LHFPL3: variants seen among roughly 807,000 people sequenced by gnomAD.
The protein encoded by LHFPL3 is LHFPL tetraspan subfamily member 3, also known as LHFPL tetraspan subfamily member 3 protein.
Under a neutral mutation model 19.3 loss-of-function variants are expected in LHFPL3, and 5 were observed. That is an observed-to-expected ratio of 0.26 (90% CI 0.14 to 0.54). LHFPL3 has a LOEUF of 0.54. LHFPL3 is among the 20% of genes least tolerant of loss of function. The probability of loss-of-function intolerance (pLI) is 0.94; values close to 1 mark genes in which losing one functional copy is unlikely to be tolerated. For missense variants in LHFPL3, 249 were observed against 307.4 expected, an observed-to-expected ratio of 0.81 and a Z score of 1.42; for synonymous variants, 133 against 126.2, an observed-to-expected ratio of 1.05 and a Z score of -0.36.
chr7:104,430,431 T>TGTATATATATATAC (rs1791965106), intron 1 of LHFPL3, among the ~76,000 whole-genome samples: 1 of 12,420 alleles, frequency 8.1e-5, no homozygotes, highest in Non-Finnish European at 1.7e-4. Context: ...TATATATATA[T>TGTATATATATATAC]ATATATATAT....
intron 1 of LHFPL3, among the ~76,000 whole-genome samples, chr7:104,393,069 GGT>G (rs1791110271): frequency 6.6e-6 from 1 of 152,112 alleles, no homozygotes; most frequent in South Asian, 2.1e-4. Context: ...ATGGCAAGAT[GGT>G]CAGCATCATT....
intron 1 of LHFPL3, among the ~76,000 whole-genome samples, chr7:104,564,065 C>T (rs995343994): frequency 6.6e-6 from 1 of 152,174 alleles, no homozygotes; most frequent in Non-Finnish European, 1.5e-5. Context: ...ATTTGATCCT[C>T]TCAACAATCC....
At chr7:104,845,609 C>T in intron 2 of LHFPL3, 2 of 310,788 alleles carry the variant, frequency 6.4e-6, no homozygotes, top group Non-Finnish European at 4.7e-6. Context: ...TATATTTTTA[C>T]TTCTCTCTCC....
intron 1 of LHFPL3, among the ~76,000 whole-genome samples, chr7:104,666,036 A>T (rs891156500): frequency 4.6e-5 from 7 of 152,218 alleles, no homozygotes; most frequent in Admixed American, 3.3e-4. Flanking sequence ...ATGATTTTTT[A>T]AATATTTATT....
intron 2 of LHFPL3, among the ~76,000 whole-genome samples, chr7:104,753,907 C>T (rs776990859): frequency 6.6e-6 from 1 of 152,210 alleles, no homozygotes; most frequent in Non-Finnish European, 1.5e-5. Flanking sequence ...TTTGCCTTCA[C>T]GTGCTGCCAG....
intron 1 of LHFPL3, among the ~76,000 whole-genome samples, chr7:104,429,831 G>A (rs756872850): frequency 9.2e-5 from 14 of 152,038 alleles, no homozygotes; most frequent in Non-Finnish European, 1.2e-4. Flanking sequence ...GAATAATGCA[G>A]GTAGACTTTG....
At chr7:104,789,196 A>G (rs1789975749) in intron 2 of LHFPL3, among the ~76,000 whole-genome samples, 1 of 152,210 alleles carries the variant, frequency 6.6e-6, no homozygotes, top group Non-Finnish European at 1.5e-5. Flanking sequence ...ATAAATGGGA[A>G]GGAAGACCAA....
At chr7:104,875,017 AT>A (rs34860948) in intron 2 of LHFPL3, among the ~76,000 whole-genome samples, 72 of 141,870 alleles carry the variant, frequency 5.1e-4, no homozygotes, top group Middle Eastern at 3.9e-3. Context: ...TGGGGAATGT[AT>A]TTTTTTTTTT....
rs1858779 is a variant in LHFPL3 at position 104,459,076 on chromosome 7, C to T, written c.445+129852C>T. On this transcript the variant is annotated intron_variant, in intron 1 of 2. Coordinates refer to ENST00000424859, the MANE Select transcript of LHFPL3 (RefSeq NM_199000.3). ...GCATAGCACCAGGACCTCTGGGTAGCGCTTCTGCTCTGGCAGCTCAAGGTG... is the reference window on the plus strand; with the variant it reads ...GCATAGCACCAGGACCTCTGGGTAGTGCTTCTGCTCTGGCAGCTCAAGGTG... 4.2e-3 allele frequency among the ~76,000 whole-genome samples: 641 copies of T among 152,328 alleles called. 1 individual carries two copies. Among genetic ancestry groups the T allele is most frequent in the Non-Finnish European group, 6.7e-3 (456 of 68,032 alleles).
chr7:104,329,366 CG>C (rs1562865759), intron 1 of LHFPL3, 142 bp downstream of exon 1: 1 of 1,131,524 alleles, frequency 8.8e-7, no homozygotes, highest in Admixed American at 3.2e-5. Flanking sequence ...GTGTGGGGGG[CG>C]GGAGCCCAGC....
intron 1 of LHFPL3, among the ~76,000 whole-genome samples, chr7:104,497,309 G>GAAAAAAAAAAA (rs34908934): frequency 1.0e-5 from 1 of 96,688 alleles, no homozygotes; most frequent in Non-Finnish European, 2.3e-5. Flanking sequence ...TTGAGAAAAG[G>GAAAAAAAAAAA]AAAAAAAAAA....
intron 2 of LHFPL3, among the ~76,000 whole-genome samples, chr7:104,791,115 G>A (rs1790014829): frequency 6.6e-6 from 1 of 152,058 alleles, no homozygotes. Context: ...GGTATAATTG[G>A]AACTGTTTTT....
chr7:104,733,987 G>A (rs555791500), intron 1 of LHFPL3, among the ~76,000 whole-genome samples: 4 of 152,254 alleles, frequency 2.6e-5, no homozygotes, highest in South Asian at 4.1e-4. Flanking sequence ...ATGAAGCTTA[G>A]TTTGGCTGGA....
chr7:104,516,285 A>G (rs1157695466), intron 1 of LHFPL3, among the ~76,000 whole-genome samples: 1 of 152,092 alleles, frequency 6.6e-6, no homozygotes, highest in Non-Finnish European at 1.5e-5. Context: ...CAGGAATAGC[A>G]TGGAGGAAAC....
chr7:104,525,612 T>G (rs1209485596), intron 1 of LHFPL3, among the ~76,000 whole-genome samples: 5 of 147,150 alleles, frequency 3.4e-5, no homozygotes, highest in Non-Finnish European at 6.0e-5. Flanking sequence ...TTGGGTTTTT[T>G]TTTTTTTTTT....
chr7:104,865,143 C>G (rs1301924956), intron 2 of LHFPL3, among the ~76,000 whole-genome samples: 1 of 152,106 alleles, frequency 6.6e-6, no homozygotes, highest in African/African-American at 2.4e-5. Context: ...CAGAAAAAAA[C>G]TGGAAACTCT....
chr7:104,759,284 C>T (rs929261264), intron 2 of LHFPL3, among the ~76,000 whole-genome samples: 2 of 151,996 alleles, frequency 1.3e-5, no homozygotes, highest in African/African-American at 4.8e-5. Flanking sequence ...TAGGAGTGGA[C>T]ATTATTAATA....
At chr7:104,893,214 T>TAA (rs376542156) in intron 2 of LHFPL3, among the ~76,000 whole-genome samples, 4 of 137,440 alleles carry the variant, frequency 2.9e-5, no homozygotes, top group African/African-American at 2.7e-5. Context: ...ACTCTGTCTC[T>TAA]AAAAAAAAAA....
chr7:104,420,955 A>T (rs1236461468), intron 1 of LHFPL3, among the ~76,000 whole-genome samples: 1 of 152,192 alleles, frequency 6.6e-6, no homozygotes, highest in East Asian at 1.9e-4. Flanking sequence ...AGGATCAGTT[A>T]GTGGACTACA....
Sources: gnomAD v4.1 joint callset for allele counts (sites outside exome capture counted in the v4.1 genomes callset) on GRCh38, gnomAD v4.1.1 for gene constraint, MANE v1.5 for transcripts, NCBI Gene and HGNC (gene_info 2026-07-23, HGNC 2026-07-21) for gene names.